ADAMTS6: variants seen among roughly 807,000 people sequenced by gnomAD.
The protein encoded by ADAMTS6 is A disintegrin and metalloproteinase with thrombospondin motifs 6.
ADAMTS6 carries 23 observed loss-of-function variants against 144.3 expected under a neutral mutation model. The ratio of observed to expected loss-of-function variants is 0.16; its 90% confidence interval spans 0.11 to 0.23. ADAMTS6 has a LOEUF of 0.23. Among genes scored for constraint, ADAMTS6 ranks in the 10% least tolerant of loss-of-function variants. ADAMTS6 has a pLI of 1.00. For missense variants in ADAMTS6, 999 were observed against 1,379.6 expected, an observed-to-expected ratio of 0.72 and a Z score of 4.37; for synonymous variants, 444 against 457.5, an observed-to-expected ratio of 0.97 and a Z score of 0.38.
At chr5:65,234,014 A>G (rs1580137744) in intron 15 of ADAMTS6, among the ~76,000 whole-genome samples, 1 of 151,740 alleles carries the variant, frequency 6.6e-6, no homozygotes, top group East Asian at 1.9e-4. Context: ...GGTACCAAGA[A>G]AATAGAGTGA....
At position 65,334,994 on chromosome 5, in the gene ADAMTS6, C is replaced by T. The variant is rs548045196; in HGVS notation, c.1074-909G>A. Among the ~76,000 whole-genome samples, 16 of 152,234 alleles carry T rather than the reference C, an allele frequency of 1.1e-4. 1 individual carries two copies. In the South Asian group the frequency reaches 1.4e-3, roughly 14 times the overall value. Reference sequence around the variant, plus strand: ...AAAAGATTTCAGTTAAAAAGTAAAGCTTCACAAACTACAGGGAAATTCAAG... The same window carrying T: ...AAAAGATTTCAGTTAAAAAGTAAAGTTTCACAAACTACAGGGAAATTCAAG... On this transcript the variant is annotated intron_variant, in intron 7 of 24. Coordinates refer to ENST00000381055, the MANE Select transcript of ADAMTS6 (RefSeq NM_197941.4).
chr5:65,367,823 A>C (rs1750446448), intron 7 of ADAMTS6, among the ~76,000 whole-genome samples: 1 of 152,074 alleles, frequency 6.6e-6, no homozygotes, highest in Non-Finnish European at 1.5e-5. Context: ...CAACTGTTGT[A>C]TATAAACCAA....
intron 3 of ADAMTS6, among the ~76,000 whole-genome samples, chr5:65,468,026 A>G (rs1484631798): frequency 1.3e-5 from 2 of 152,114 alleles, no homozygotes; most frequent in Non-Finnish European, 1.5e-5. Context: ...TTTTTTTCGC[A>G]CTGAGAAAAA....
chr5:65,426,019 G>A (rs1305405679), intron 7 of ADAMTS6, among the ~76,000 whole-genome samples: 3 of 151,570 alleles, frequency 2.0e-5, no homozygotes, highest in Admixed American at 2.0e-4. Context: ...CCAAAGTGCT[G>A]GGATTACAGG....
intron 15 of ADAMTS6, among the ~76,000 whole-genome samples, chr5:65,228,705 C>T (rs1014860109): frequency 1.3e-5 from 2 of 152,214 alleles, no homozygotes; most frequent in Non-Finnish European, 2.9e-5. Flanking sequence ...CTCCCTGCCA[C>T]CCTCCCCAGC....
At chr5:65,202,588 G>A (rs1755804903) in intron 20 of ADAMTS6, among the ~76,000 whole-genome samples, 1 of 152,026 alleles carries the variant, frequency 6.6e-6, no homozygotes, top group Non-Finnish European at 1.5e-5. Flanking sequence ...ATTACATGAT[G>A]GAAGATATCT....
At chr5:65,189,205 A>C (rs1754848724) in intron 21 of ADAMTS6, among the ~76,000 whole-genome samples, 3 of 152,200 alleles carry the variant, frequency 2.0e-5, no homozygotes. Flanking sequence ...ACTTTCACAT[A>C]CATAATTTCA....
At chr5:65,315,496 C>G (rs1744900837) in intron 9 of ADAMTS6, among the ~76,000 whole-genome samples, 1 of 152,018 alleles carries the variant, frequency 6.6e-6, no homozygotes. Context: ...ATTCAATTGT[C>G]TCAATGATCA....
At chr5:65,249,866 T>C (rs1275891558) in intron 14 of ADAMTS6, among the ~76,000 whole-genome samples, 1 of 152,242 alleles carries the variant, frequency 6.6e-6, no homozygotes, top group Non-Finnish European at 1.5e-5. Flanking sequence ...GAGGGCAAGA[T>C]GTGTAGTTTC....
intron 7 of ADAMTS6, among the ~76,000 whole-genome samples, chr5:65,335,800 TA>T (rs1189945397): frequency 6.6e-6 from 1 of 152,150 alleles, no homozygotes; most frequent in African/African-American, 2.4e-5. Flanking sequence ...ATTTGTTAAC[TA>T]CTATCATGAT....
At chr5:65,399,147 C>T (rs1753706399) in intron 7 of ADAMTS6, among the ~76,000 whole-genome samples, 1 of 152,028 alleles carries the variant, frequency 6.6e-6, no homozygotes, top group Non-Finnish European at 1.5e-5. Context: ...ATCCCATCTA[C>T]TTGGGAGGCT....
At chr5:65,385,367 C>T (rs905627435) in intron 7 of ADAMTS6, among the ~76,000 whole-genome samples, 1 of 152,108 alleles carries the variant, frequency 6.6e-6, no homozygotes, top group Non-Finnish European at 1.5e-5. Flanking sequence ...AATATTCAGA[C>T]AACAATGACT....
intron 9 of ADAMTS6, among the ~76,000 whole-genome samples, chr5:65,310,185 A>T (rs1014013453): frequency 1.3e-5 from 2 of 151,614 alleles, no homozygotes; most frequent in African/African-American, 4.9e-5. Flanking sequence ...CCACGATTTT[A>T]AGTTCCTGGA....
chr5:65,211,325 G>A (rs1178516969), intron 20 of ADAMTS6, among the ~76,000 whole-genome samples: 4 of 152,158 alleles, frequency 2.6e-5, no homozygotes, highest in African/African-American at 9.7e-5. Context: ...AAGATGGCTG[G>A]GTGCAGTGGC....
chr5:65,418,881 T>A (rs1379899221), intron 7 of ADAMTS6, among the ~76,000 whole-genome samples: 1 of 152,126 alleles, frequency 6.6e-6, no homozygotes, highest in Admixed American at 6.5e-5. Context: ...TGGCTATTAT[T>A]TAAAAAAACC....
chr5:65,478,262 C>G (rs1760974748), intron 1 of ADAMTS6, among the ~76,000 whole-genome samples: 1 of 152,230 alleles, frequency 6.6e-6, no homozygotes. Flanking sequence ...GGAGGTTAAT[C>G]TGGACACCAT....
At position 65,466,815 on chromosome 5, in the gene ADAMTS6, G is replaced by A. The variant is rs1177447652; in HGVS notation, c.462+3963C>T. On this transcript the variant is annotated intron_variant, in intron 3 of 24. Transcript: ENST00000381055. ...CCCAGCACTTTGGGAGGCCGAGGTG[G>A]GCGGATCACGAGGTCAGGAGATCGA... 2.6e-5 allele frequency among the ~76,000 whole-genome samples: 4 copies of A among 152,162 alleles called. No homozygotes were observed. In the East Asian group the frequency reaches 7.7e-4, roughly 29 times the overall value.
chr5:65,252,927 T>C (rs112349937), intron 14 of ADAMTS6, among the ~76,000 whole-genome samples: 5,887 of 152,230 alleles, frequency 0.039, 408 homozygotes, highest in African/African-American at 0.13. Flanking sequence ...AGGGTCTCTG[T>C]CACCCAGGCT....
chr5:65,390,842 T>A (rs1752853947), intron 7 of ADAMTS6, among the ~76,000 whole-genome samples: 1 of 152,236 alleles, frequency 6.6e-6, no homozygotes, highest in Non-Finnish European at 1.5e-5. Context: ...AAGAATCTCC[T>A]TCATGTCTTT....
Sources: allele counts gnomAD v4.1 joint callset (sites outside exome capture counted in the v4.1 genomes callset), GRCh38; gene constraint gnomAD v4.1.1; transcripts MANE v1.5; gene names NCBI Gene and HGNC (gene_info 2026-07-23, HGNC 2026-07-21).